The following ZNF599 variants were observed in gnomAD, a reference collection of about 807,000 sequenced individuals.
ZNF599 encodes the protein zinc finger protein 599.
A neutral mutation model predicts 11.7 loss-of-function variants in ZNF599; 10 were observed. The observed-to-expected ratio is 0.86, with a 90% CI of 0.53 to 1.45. The LOEUF is 1.45. Among genes scored for constraint, ZNF599 ranks in the 40% most tolerant of loss-of-function variants. The probability of loss-of-function intolerance (pLI) is 0.00; values close to 1 mark genes in which losing one functional copy is unlikely to be tolerated. For missense variants in ZNF599, 688 were observed against 713.6 expected (o/e 0.96, Z 0.41); for synonymous variants, 232 against 253.2 (o/e 0.92, Z 0.79).
At chr19:34,761,923 A>G (rs1568492858) in intron 3 of ZNF599, among the ~76,000 whole-genome samples, 1 of 152,208 alleles carries the variant, frequency 6.6e-6, no homozygotes, top group Admixed American at 6.5e-5. Flanking sequence ...ATTTGACTAG[A>G]GTAAATATAA....
At chr19:34,761,416 CA>C in intron 3 of ZNF599, among the ~76,000 whole-genome samples, 1 of 152,264 alleles carries the variant, frequency 6.6e-6, no homozygotes, top group Admixed American at 6.5e-5. Flanking sequence ...GATAAAATCT[CA>C]ATAGGGTTTT....
At chr19:34,787,021 A>T in the ZNF599 span, among the ~76,000 whole-genome samples, 4 of 152,130 alleles carry the variant, frequency 2.6e-5, no homozygotes, top group African/African-American at 9.7e-5. Context: ...CCCCACCAAA[A>T]CCTAGTGAAT....
At chr19:34,769,653 C>T (rs936842943) in intron 1 of ZNF599, 98 bp from the exon 2 acceptor site, 31 of 1,450,056 alleles carry the variant, frequency 2.1e-5, no homozygotes, top group Non-Finnish European at 2.9e-5. Context: ...AGACCCTGAA[C>T]CACTGAGCAA....
At chr19:34,795,395 C>T in the ZNF599 span, among the ~76,000 whole-genome samples, 1,746 of 152,288 alleles carry the variant, frequency 0.011, 16 homozygotes, top group African/African-American at 0.04. Context: ...CTGCCTCAGC[C>T]TTCCAAGTAG....
the ZNF599 span, among the ~76,000 whole-genome samples, chr19:34,799,933 C>T: frequency 1.3e-4 from 20 of 152,354 alleles, no homozygotes; most frequent in East Asian, 3.9e-3. Context: ...ACTCTACATA[C>T]TTGTCAGCAT....
the ZNF599 span, among the ~76,000 whole-genome samples, chr19:34,800,355 C>A: frequency 6.6e-6 from 1 of 152,084 alleles, no homozygotes; most frequent in Non-Finnish European, 1.5e-5. Flanking sequence ...CTTTCTCCAC[C>A]CCTTAACTTT....
chr19:34,777,394 AAT>A (rs1351894776), upstream of ZNF599, among the ~76,000 whole-genome samples: 40 of 88,758 alleles, frequency 4.5e-4, no homozygotes, highest in African/African-American at 1.4e-3. Flanking sequence ...ATTAATATAT[AAT>A]ATATATTATA....
upstream of ZNF599, among the ~76,000 whole-genome samples, chr19:34,777,346 T>TA (rs2069221535): frequency 3.3e-5 from 3 of 90,398 alleles, no homozygotes; most frequent in African/African-American, 1.3e-4. Flanking sequence ...ATTAATATAT[T>TA]ATATATTATA....
upstream of ZNF599, among the ~76,000 whole-genome samples, chr19:34,773,588 A>G (rs913052060): frequency 2.0e-5 from 3 of 152,118 alleles, no homozygotes; most frequent in Non-Finnish European, 4.4e-5. Context: ...ATAATTATTT[A>G]ATATGATAAT....
Position 34,769,544 on chromosome 19 carries a change from T to A in ZNF599, c.30A>T (p.Ser10=). 8 of 1,613,626 alleles carry A rather than the reference T, an allele frequency of 5.0e-6. No homozygotes were observed. The highest frequency in any genetic ancestry group is 5.9e-6 in the Non-Finnish European group (7 of 1,179,618). Residue 10 remains serine, a synonymous_variant, in exon 2 of 4, where the codon TCA becomes TCT. Transcript: ENST00000329285. MAAPALALV[S]FEDVVVTFTG... is the part of the protein sequence containing the mutation. ...TGAAGGTCACAACCACGTCTTCAAA[T>A]GATACTAATGCCTGGGAAGTCAAAC... is the stretch of plus-strand genomic sequence containing the variant.
chr19:34,790,726 T>C, the ZNF599 span, among the ~76,000 whole-genome samples: 7 of 152,160 alleles, frequency 4.6e-5, no homozygotes, highest in African/African-American at 1.7e-4. Flanking sequence ...GTACTGTATA[T>C]CTTAAAATTG....
upstream of ZNF599, among the ~76,000 whole-genome samples, chr19:34,777,420 A>T (rs190195569): frequency 3.4e-3 from 319 of 94,296 alleles, 3 homozygotes; most frequent in African/African-American, 0.013. Context: ...AATATATATT[A>T]ATTAATATAT....
the ZNF599 span, among the ~76,000 whole-genome samples, chr19:34,804,431 C>A: frequency 6.6e-6 from 1 of 152,216 alleles, no homozygotes; most frequent in East Asian, 1.9e-4. Flanking sequence ...GGTGCCCAAG[C>A]AATAGATCCA....
chr19:34,781,953 G>A, the ZNF599 span, among the ~76,000 whole-genome samples: 2 of 152,222 alleles, frequency 1.3e-5, no homozygotes, highest in Non-Finnish European at 2.9e-5. Flanking sequence ...GAATAGAAAT[G>A]ACAAGTGGAT....
At chr19:34,802,957 G>A in the ZNF599 span, among the ~76,000 whole-genome samples, 21 of 152,160 alleles carry the variant, frequency 1.4e-4, no homozygotes, top group African/African-American at 4.8e-4. Flanking sequence ...AAAACCAAAT[G>A]TTACAAAAAC....
the ZNF599 span, among the ~76,000 whole-genome samples, chr19:34,789,519 C>T: frequency 1.3e-5 from 2 of 152,152 alleles, no homozygotes; most frequent in Non-Finnish European, 2.9e-5. Flanking sequence ...AACACGTGCT[C>T]TTTTCTCTTT....
the ZNF599 span, among the ~76,000 whole-genome samples, chr19:34,795,690 C>T: frequency 1.3e-5 from 2 of 152,220 alleles, no homozygotes; most frequent in Non-Finnish European, 2.9e-5. Flanking sequence ...AGAAGATAGT[C>T]TAGAGCCAAT....
the ZNF599 span, among the ~76,000 whole-genome samples, chr19:34,783,358 G>A: frequency 6.6e-6 from 1 of 152,208 alleles, no homozygotes; most frequent in Non-Finnish European, 1.5e-5. Flanking sequence ...GCAAGGCAGG[G>A]TAGGTAAACT....
chr19:34,784,751 G>C, the ZNF599 span, among the ~76,000 whole-genome samples: 1 of 151,332 alleles, frequency 6.6e-6, no homozygotes, highest in African/African-American at 2.4e-5. Flanking sequence ...ATCTCGAATC[G>C]ATACCCCCTT....
Sources: allele counts gnomAD v4.1 joint callset (sites outside exome capture counted in the v4.1 genomes callset), GRCh38; gene constraint gnomAD v4.1.1; transcripts MANE v1.5; gene names NCBI Gene and HGNC (gene_info 2026-07-23, HGNC 2026-07-21).